Variants in RGL1 observed in about 807,000 individuals in gnomAD.
The protein encoded by RGL1 is ral guanine nucleotide dissociation stimulator-like 1.
In RGL1, 24 loss-of-function variants were observed where a neutral mutation model predicts 95.2. The observed-to-expected ratio is 0.25, with a 90% CI of 0.18 to 0.35. RGL1 has a LOEUF of 0.35. Ranked by LOEUF, RGL1 falls within the 10% of genes least tolerant of loss-of-function variation. The pLI, the probability that RGL1 is intolerant of heterozygous loss-of-function variation, is 1.00. For synonymous variants in RGL1, 329 were observed against 344.9 expected (o/e 0.95, Z 0.51); for missense variants, 715 against 936.3 (o/e 0.76, Z 3.08).
At chr1:183,857,705 T>C (rs1466017537) in intron 3 of RGL1, among the ~76,000 whole-genome samples, 1 of 152,228 alleles carries the variant, frequency 6.6e-6, no homozygotes, top group Non-Finnish European at 1.5e-5. Flanking sequence ...TGTTTGAGAA[T>C]TATATCCAAC....
intron 2 of RGL1, among the ~76,000 whole-genome samples, chr1:183,807,545 G>C (rs1661427940): frequency 6.6e-6 from 1 of 152,244 alleles, no homozygotes; most frequent in Non-Finnish European, 1.5e-5. Flanking sequence ...GTGGTAACGT[G>C]TGACTTGTAA....
intron 3 of RGL1, among the ~76,000 whole-genome samples, chr1:183,851,792 A>C (rs1664840181): frequency 6.6e-6 from 1 of 152,250 alleles, no homozygotes; most frequent in Non-Finnish European, 1.5e-5. Flanking sequence ...ATCTTGAGCC[A>C]GGCTTCAGTC....
chr1:183,752,674 T>TTCTCTCTCTCTCTCTC (rs71130636), intron 2 of RGL1, among the ~76,000 whole-genome samples: 1 of 31,316 alleles, frequency 3.2e-5, no homozygotes, highest in Non-Finnish European at 5.9e-5. Context: ...CTTTCTCTCT[T>TTCTCTCTCTCTCTCTC]TCTCTCTCTC....
At chr1:183,814,972 A>G (rs1661984580) in intron 2 of RGL1, among the ~76,000 whole-genome samples, 1 of 152,220 alleles carries the variant, frequency 6.6e-6, no homozygotes, top group African/African-American at 2.4e-5. Context: ...GACTTTTCCA[A>G]TTAAAATTGC....
At chr1:183,757,640 G>T (rs1558190891) in intron 2 of RGL1, among the ~76,000 whole-genome samples, 1 of 152,162 alleles carries the variant, frequency 6.6e-6, no homozygotes, top group Admixed American at 6.5e-5. Context: ...ATTCTGTTGG[G>T]TTTACAAGAA....
intron 2 of RGL1, among the ~76,000 whole-genome samples, chr1:183,810,238 AG>A (rs1400207784): frequency 6.6e-6 from 1 of 152,340 alleles, no homozygotes; most frequent in African/African-American, 2.4e-5. Flanking sequence ...TGACAGACTC[AG>A]GGTCCAAAAA....
rs1659938344 is a variant in RGL1, at chr1:183,782,203, A to G, written c.133-24172A>G. Among the ~76,000 whole-genome samples, 5 of 152,316 alleles carry G rather than the reference A, an allele frequency of 3.3e-5. No homozygotes were observed. The South Asian group carries it at 1.0e-3, about 32-fold the overall frequency. On this transcript the variant is annotated intron_variant, in intron 2 of 18. Transcript: ENST00000304685. ...CTGCCACAAAGATACCAGGGCTCCA[A>G]TTCCAGAAAACATAGCCCAGGAAAC...
At chr1:183,816,354 T>C (rs1015409475) in intron 2 of RGL1, among the ~76,000 whole-genome samples, 10 of 152,222 alleles carry the variant, frequency 6.6e-5, no homozygotes, top group African/African-American at 1.9e-4. Context: ...GGACATAATT[T>C]AGGATGTTAG....
At chr1:183,873,162 A>G (rs1003659780) in intron 4 of RGL1, among the ~76,000 whole-genome samples, 1 of 152,220 alleles carries the variant, frequency 6.6e-6, no homozygotes. Context: ...CTCAAAAAGA[A>G]GACAGATCAA....
intron 4 of RGL1, among the ~76,000 whole-genome samples, chr1:183,870,307 TCCGGCCAGGG>T (rs1309701434): frequency 6.0e-5 from 9 of 149,530 alleles, no homozygotes; most frequent in African/African-American, 2.2e-4. Context: ...GTAGGTGTCT[TCCGGCCAGGG>T]TAGTTGTCTT....
chr1:183,687,481 T>C (rs1418347419), intron 1 of RGL1, among the ~76,000 whole-genome samples: 1 of 152,202 alleles, frequency 6.6e-6, no homozygotes, highest in Non-Finnish European at 1.5e-5. Context: ...TTGAGATTGA[T>C]ATTAGAGTCT....
At chr1:183,915,014 C>A (rs1668874889) in intron 15 of RGL1, among the ~76,000 whole-genome samples, 2 of 152,070 alleles carry the variant, frequency 1.3e-5, no homozygotes, top group East Asian at 1.9e-4. Context: ...ACCCAAAAAC[C>A]AAAACAAAAA....
chr1:183,648,621 A>C (rs1482026368), intron 1 of RGL1: 2 of 1,614,228 alleles, frequency 1.2e-6, no homozygotes, highest in East Asian at 4.5e-5. Flanking sequence ...CCCATAAGGG[A>C]ATCCAAAAAT....
chr1:183,755,889 T>TC (rs1658302456), intron 2 of RGL1, among the ~76,000 whole-genome samples: 1 of 151,658 alleles, frequency 6.6e-6, no homozygotes, highest in Non-Finnish European at 1.5e-5. Context: ...CATTCTTTTT[T>TC]TTTTTTTTTT....
intron 1 of RGL1, among the ~76,000 whole-genome samples, chr1:183,644,364 T>A (rs931398441): frequency 6.6e-6 from 1 of 152,272 alleles, no homozygotes; most frequent in African/African-American, 2.4e-5. Context: ...TTAAATGAAT[T>A]AATACATGTA....
chr1:183,866,091 T>C lies in RGL1; in HGVS notation c.425+18T>C, dbSNP rs1173837474. On this transcript the variant is annotated intron_variant, in intron 4 of 17. Transcript: ENST00000360851. ...ATCAGGAAGTGAGTCTCCCTTTTCT[T>C]TGCATTCTAAGCTCTCAGTCAAGAC... The C allele has an allele frequency of 6.3e-7, 1 of 1,583,222 alleles. No homozygotes were observed. Among genetic ancestry groups the C allele is most frequent in the Admixed American group, 1.7e-5 (1 of 59,966 alleles).
intron 1 of RGL1, among the ~76,000 whole-genome samples, chr1:183,736,595 G>T (rs898879204): frequency 9.9e-5 from 15 of 152,156 alleles, no homozygotes; most frequent in Non-Finnish European, 2.2e-4. Context: ...AAGATAGTAG[G>T]ATATAAAGAT....
Position 183,907,066 on chromosome 1 carries a change from C to T in RGL1, c.1527C>T (p.Pro509=), listed in dbSNP as rs754718397. 1.4e-5 allele frequency: 22 copies of T among 1,612,062 alleles called. No individual in the cohort carries two copies. In the Admixed American group the frequency reaches 3.5e-4, roughly 26 times the overall value. The change falls in exon 14 of 18, where the codon CCC becomes CCT. Residue 509 remains proline (P), a synonymous_variant. Transcript: ENST00000360851. ...CTGCTGACGCCAGCACCACCTCGCC[C>T]AAGCCTCGGAAGAGCATGGTGAAGA... ...EAAADASTTS[P]KPRKSMVKRL...
chr1:183,742,752 G>GGAGA (rs142649027), intron 2 of RGL1, among the ~76,000 whole-genome samples: 1 of 150,282 alleles, frequency 6.7e-6, no homozygotes, highest in Non-Finnish European at 1.5e-5. Context: ...GAGGGGACGG[G>GGAGA]GAGAGAGAGA....
Sources: gnomAD v4.1 joint callset for allele counts (sites outside exome capture counted in the v4.1 genomes callset) on GRCh38, gnomAD v4.1.1 for gene constraint, MANE v1.5 for transcripts, NCBI Gene and HGNC (gene_info 2026-07-23, HGNC 2026-07-21) for gene names.